Variants in SAMD12 observed in about 807,000 individuals in gnomAD.
The protein encoded by SAMD12 is sterile alpha motif domain containing 12, also known as sterile alpha motif domain-containing protein 12.
Under a neutral mutation model 15.0 loss-of-function variants are expected in SAMD12, and 9 were observed. The observed-to-expected ratio is 0.60, with a 90% CI of 0.36 to 1.05. SAMD12 has a LOEUF of 1.05. Among genes scored for constraint, SAMD12 ranks in the 50% least tolerant of loss-of-function variants. The pLI is 0.01. For missense variants in SAMD12, 230 were observed against 234.2 expected (o/e 0.98, Z 0.12); for synonymous variants, 86 against 90.1 (o/e 0.96, Z 0.25).
intron 2 of SAMD12, among the ~76,000 whole-genome samples, chr8:118,544,808 A>G (rs1194672355): frequency 6.6e-6 from 1 of 152,158 alleles, no homozygotes; most frequent in Middle Eastern, 3.2e-3. Context: ...CTGCCTCCCT[A>G]CAATTTCAGA....
At chr8:118,465,306 C>T (rs80162576) in intron 2 of SAMD12, among the ~76,000 whole-genome samples, 10 of 152,186 alleles carry the variant, frequency 6.6e-5, no homozygotes, top group African/African-American at 9.6e-5. Flanking sequence ...CTTCCTAATA[C>T]GATTACTCAA....
chr8:118,301,900 G>T (rs1189498935), intron 4 of SAMD12, among the ~76,000 whole-genome samples: 3 of 151,916 alleles, frequency 2.0e-5, no homozygotes, highest in Non-Finnish European at 4.4e-5. Flanking sequence ...TTTCAAACAG[G>T]TATCTTAATA....
At chr8:118,234,710 C>CA (rs10647591) in intron 4 of SAMD12, among the ~76,000 whole-genome samples, 71,040 of 105,580 alleles carry the variant, frequency 0.67, 25,160 homozygotes, top group Non-Finnish European at 0.78. Flanking sequence ...GACTCCATCT[C>CA]AAAAAAAAAA....
chr8:118,546,608 AT>A (rs965376986), intron 2 of SAMD12, among the ~76,000 whole-genome samples: 1 of 152,156 alleles, frequency 6.6e-6, no homozygotes, highest in Non-Finnish European at 1.5e-5. Flanking sequence ...TTTCTAGAAG[AT>A]TTTTTTAATA....
intron 4 of SAMD12, among the ~76,000 whole-genome samples, chr8:118,241,038 C>T (rs970047546): frequency 1.4e-4 from 21 of 152,182 alleles, no homozygotes; most frequent in African/African-American, 4.8e-4. Flanking sequence ...ACCTGACCCC[C>T]AGCTCATTAG....
chr8:118,447,405 A>T (rs139578609), intron 2 of SAMD12, among the ~76,000 whole-genome samples: 3 of 151,494 alleles, frequency 2.0e-5, no homozygotes, highest in African/African-American at 7.3e-5. Flanking sequence ...CAGGTTCAAG[A>T]GATTCTCCTG....
At chr8:118,318,335 T>C (rs987461730) in intron 4 of SAMD12, among the ~76,000 whole-genome samples, 5 of 94,904 alleles carry the variant, frequency 5.3e-5, no homozygotes, top group Admixed American at 9.7e-5. Context: ...TATATATATA[T>C]ATATATATAT....
At chr8:118,135,158 A>G in the SAMD12 span, among the ~76,000 whole-genome samples, 1 of 152,204 alleles carries the variant, frequency 6.6e-6, no homozygotes, top group Admixed American at 6.5e-5. Context: ...GATGAATATT[A>G]TAACAGTTTA....
chr8:118,402,609 A>G (rs1217663896), intron 3 of SAMD12, among the ~76,000 whole-genome samples: 4 of 152,176 alleles, frequency 2.6e-5, no homozygotes, highest in Admixed American at 2.6e-4. Flanking sequence ...ATGTCATTTA[A>G]CCCTTAGAGA....
In SAMD12 at chr8:118,468,248, C is replaced by A. The variant is rs10086297; in HGVS notation, c.193-28287G>T. 1.3e-5 allele frequency among the ~76,000 whole-genome samples: 2 copies of A among 151,930 alleles called. 1 individual carries two copies. Among genetic ancestry groups the A allele is most frequent in the Non-Finnish European group, 2.9e-5 (2 of 67,974 alleles). Reference sequence around the variant, plus strand: ...GCAAGCTGGCCAAAAAGTGTATCATCATAATCTTTGGCAGATTCACCAGGT... The same window carrying A: ...GCAAGCTGGCCAAAAAGTGTATCATAATAATCTTTGGCAGATTCACCAGGT... On this transcript the variant is annotated intron_variant, in intron 2 of 3. Transcript: ENST00000314727.
intron 2 of SAMD12, among the ~76,000 whole-genome samples, chr8:118,493,627 G>A (rs1824514285): frequency 1.3e-5 from 2 of 152,214 alleles, no homozygotes; most frequent in Non-Finnish European, 2.9e-5. Flanking sequence ...CATGTCCAAT[G>A]TGATTGTAGC....
chr8:118,185,733 G>C (rs573616037), downstream of SAMD12, among the ~76,000 whole-genome samples: 9 of 152,286 alleles, frequency 5.9e-5, no homozygotes, highest in South Asian at 1.2e-3. Flanking sequence ...TTATGCAACT[G>C]TTCCCCCTTC....
chr8:118,168,650 T>A, the SAMD12 span, among the ~76,000 whole-genome samples: 1 of 152,138 alleles, frequency 6.6e-6, no homozygotes, highest in East Asian at 1.9e-4. Context: ...ACACCCCAGA[T>A]AGGGTGGAAT....
chr8:118,592,115 A>G (rs1243144182), intron 1 of SAMD12, among the ~76,000 whole-genome samples: 1 of 152,164 alleles, frequency 6.6e-6, no homozygotes, highest in Admixed American at 6.5e-5. Context: ...TGAGGTCGGG[A>G]GTTCGAGACC....
At chr8:118,156,908 G>A in the SAMD12 span, among the ~76,000 whole-genome samples, 1 of 145,130 alleles carries the variant, frequency 6.9e-6, no homozygotes, top group East Asian at 2.0e-4. Context: ...AATGAATGAT[G>A]TATTTTGTCA....
chr8:118,432,929 T>C (rs2130873475), intron 3 of SAMD12, among the ~76,000 whole-genome samples: 1 of 152,234 alleles, frequency 6.6e-6, no homozygotes, highest in East Asian at 1.9e-4. Context: ...TAATCCAACA[T>C]CTTGAACAGA....
At chr8:118,348,593 T>C (rs181997994) in intron 4 of SAMD12, among the ~76,000 whole-genome samples, 1,655 of 152,098 alleles carry the variant, frequency 0.011, 10 homozygotes, top group Non-Finnish European at 0.018. Flanking sequence ...AGGATGGTCT[T>C]GATCTCCTGA....
At position 118,342,770 on chromosome 8, in the gene SAMD12, A is replaced by T. The variant is rs543981319; in HGVS notation, c.433+36790T>A. ...AGATGTCCCAAGAACCTTCATTTTC[A>T]ATTAATTACTCTAGAAGTTTCTGAT... On this transcript the variant is annotated intron_variant, in intron 4 of 4. Coordinates refer to the SAMD12 transcript ENST00000409003. Among the ~76,000 whole-genome samples the T allele has an allele frequency of 2.6e-5, 4 of 152,316 alleles. No individual in the cohort carries two copies. In the South Asian group the frequency reaches 8.3e-4, roughly 32 times the overall value.
intron 2 of SAMD12, among the ~76,000 whole-genome samples, chr8:118,527,626 T>G (rs1292501149): frequency 6.6e-6 from 1 of 152,218 alleles, no homozygotes; most frequent in African/African-American, 2.4e-5. Flanking sequence ...CTTTGCCTAT[T>G]TCTTGATTTT....
Sources: allele counts gnomAD v4.1 joint callset (sites outside exome capture counted in the v4.1 genomes callset), GRCh38; gene constraint gnomAD v4.1.1; transcripts MANE v1.5; gene names NCBI Gene and HGNC (gene_info 2026-07-23, HGNC 2026-07-21).